Variants in ZNF571 observed in about 807,000 individuals in gnomAD.
ZNF571 encodes zinc finger protein 571.
Under a neutral mutation model 7.7 loss-of-function variants are expected in ZNF571, and 4 were observed. The observed-to-expected ratio is 0.52, with a 90% CI of 0.25 to 1.18. The LOEUF (loss-of-function observed/expected upper bound fraction) is 1.18. ZNF571 is among the 50% of genes most tolerant of loss of function. The probability of loss-of-function intolerance (pLI) is 0.14; values close to 1 mark genes in which losing one functional copy is unlikely to be tolerated. For missense variants in ZNF571, 704 were observed against 726.9 expected, an observed-to-expected ratio of 0.97 and a Z score of 0.36; for synonymous variants, 251 against 232.4, an observed-to-expected ratio of 1.08 and a Z score of -0.73.
chr19:37,585,812 C>G (rs2043652496), intron 2 of ZNF571: 1 of 152,094 alleles, frequency 6.6e-6, no homozygotes, highest in Non-Finnish European at 1.5e-5. Context: ...AGGGGGTTAT[C>G]CTGGATTATC....
chr19:37,590,892 C>A lies in ZNF571; in HGVS notation c.-70+3849G>T, dbSNP rs116078960. Among the ~76,000 whole-genome samples the A allele has an allele frequency of 7.0e-3, 1,068 of 152,236 alleles. 16 individuals carry two copies. The highest frequency in any genetic ancestry group is 0.025 in the African/African-American group (1,022 of 41,532). ...AACCAAAAGAAATCTAAAATGCATTCTCTATCTTAACAGTAGTGACAGTTA... is the reference window on the plus strand; with the variant it reads ...AACCAAAAGAAATCTAAAATGCATTATCTATCTTAACAGTAGTGACAGTTA... On this transcript the variant is annotated intron_variant, in intron 1 of 3. Transcript: ENST00000451802.
In ZNF571 at chr19:37,564,551, T is replaced by G. The variant is rs2042777614; in HGVS notation, c.*47A>C. ...AGATGTTCTACATTCATTATAGATATGAAATAGATGAAGATTTTCTTAAAT... is the reference window on the plus strand; with the variant it reads ...AGATGTTCTACATTCATTATAGATAGGAAATAGATGAAGATTTTCTTAAAT... On this transcript the variant is annotated 3_prime_UTR_variant, in exon 4 of 4. Transcript: ENST00000451802. 2.1e-6 allele frequency: 3 copies of G among 1,445,552 alleles called. No individual in the cohort carries two copies. Among genetic ancestry groups the G allele is most frequent in the African/African-American group, 1.4e-5 (1 of 70,760 alleles). The allele number at this position is 1,445,552 out of a possible 1,614,324, so 89.5% of individuals were successfully genotyped here. A position where few individuals can be genotyped will look rare whatever the true frequency, so the allele number is the denominator to read the frequency against.
chr19:37,588,941 TGTAATCCC>T (rs2043777213), intron 1 of ZNF571, among the ~76,000 whole-genome samples: 1 of 152,114 alleles, frequency 6.6e-6, no homozygotes, highest in South Asian at 2.1e-4. Flanking sequence ...GGCTCATGCC[TGTAATCCC>T]AGCACTTTGG....
Position 37,566,254 on chromosome 19 carries a change from TGGA to T in ZNF571, c.171_173del (p.Pro58del), listed in dbSNP as rs780369689. The T allele has an allele frequency of 6.2e-6, 10 of 1,613,090 alleles. No homozygotes were observed. The highest frequency in any genetic ancestry group is 8.5e-6 in the Non-Finnish European group (10 of 1,179,614). On this transcript the variant is annotated inframe_deletion, in exon 4 of 4. Coordinates refer to ENST00000451802, the MANE Select transcript of ZNF571 (RefSeq NM_016536.5). Reference sequence around the variant, plus strand: ...ATTCCATTTCATAAATTTCCTTTTCTGGAGATAACTTTTTGGTCACACAACTGG... The same window carrying T: ...ATTCCATTTCATAAATTTCCTTTTCTGATAACTTTTTGGTCACACAACTGG...
chr19:37,581,870 G>A (rs1395255064), intron 3 of ZNF571, among the ~76,000 whole-genome samples: 1 of 150,932 alleles, frequency 6.6e-6, no homozygotes, highest in African/African-American at 2.4e-5. Context: ...TGAACCAGGA[G>A]AATGGCAAAA....
intron 3 of ZNF571, among the ~76,000 whole-genome samples, chr19:37,571,612 T>A (rs1011489923): frequency 3.9e-5 from 6 of 152,226 alleles, no homozygotes; most frequent in Non-Finnish European, 8.8e-5. Flanking sequence ...AAATTTACCA[T>A]GGTAAGAAAG....
intron 1 of ZNF571, among the ~76,000 whole-genome samples, chr19:37,588,404 G>A (rs138031886): frequency 1.6e-3 from 249 of 152,294 alleles, no homozygotes; most frequent in African/African-American, 5.8e-3. Flanking sequence ...CATATCCTCT[G>A]CAGCAACACA....
In ZNF571 at chr19:37,564,732, C is replaced by G; in HGVS notation, c.1696G>C (p.Ala566Pro). The change falls in exon 4 of 4, where the codon GCC becomes CCC. Residue 566 changes from alanine to proline, a missense_variant. Coordinates refer to ENST00000451802, the MANE Select transcript of ZNF571 (RefSeq NM_016536.5). ...GTAAGTTCTGAGCCACGACTAAAGG[C>G]CCTCCCACATTCCTTACATTCATAG... ...KPYECKECGR[A>P]FSRGSELTLH... The G allele has an allele frequency of 6.2e-7, 1 of 1,613,624 alleles. No homozygotes were observed. The highest frequency in any genetic ancestry group is 8.5e-7 in the Non-Finnish European group (1 of 1,179,662).
intron 1 of ZNF571, chr19:37,587,129 C>T (rs997943145): frequency 6.3e-6 from 1 of 159,218 alleles, no homozygotes; most frequent in African/African-American, 2.4e-5. Context: ...GACTCACAGA[C>T]ATTTTGACAG....
chr19:37,575,059 AACAAT>A (rs1469112696), intron 3 of ZNF571, among the ~76,000 whole-genome samples: 3 of 152,216 alleles, frequency 2.0e-5, no homozygotes, highest in Non-Finnish European at 2.9e-5. Flanking sequence ...GAACAAACCT[AACAAT>A]ACAACACCCC....
At position 37,589,784 on chromosome 19, in the gene ZNF571, G is replaced by A. The variant is rs764403953; in HGVS notation, c.-69-3039C>T. Among the ~76,000 whole-genome samples the A allele has an allele frequency of 6.5e-5, 9 of 139,222 alleles. No homozygotes were observed. The Admixed American group carries it at 7.0e-4, about 11-fold the overall frequency. 91.3% of individuals were successfully genotyped at this position (139,222 alleles called of 152,430 possible). ...GGGAGGCTGAGGCAAAGAATTGCTT[G>A]AACCCGGGAGTTGGAGGTTACAGTG... On this transcript the variant is annotated intron_variant, in intron 1 of 3. Transcript: ENST00000451802.
intron 1 of ZNF571, among the ~76,000 whole-genome samples, chr19:37,591,672 G>A (rs1188042023): frequency 1.3e-5 from 2 of 152,040 alleles, no homozygotes; most frequent in Non-Finnish European, 2.9e-5. Flanking sequence ...AGCCTCCCGA[G>A]TAGCTGGGAT....
At chr19:37,588,043 T>G (rs1368256964) in intron 1 of ZNF571, among the ~76,000 whole-genome samples, 1 of 123,882 alleles carries the variant, frequency 8.1e-6, no homozygotes, top group East Asian at 2.6e-4. Context: ...GAGGTTGCAG[T>G]GACCCAAGAT....
intron 2 of ZNF571, among the ~76,000 whole-genome samples, chr19:37,584,700 C>T (rs538567712): frequency 2.0e-5 from 3 of 152,160 alleles, no homozygotes; most frequent in South Asian, 4.2e-4. Flanking sequence ...CGGTGGCTCA[C>T]GCTTGTAATC....
At position 37,583,873 on chromosome 19, in the gene ZNF571, C is replaced by T. The variant is rs2306202; in HGVS notation, c.136+98G>A. 2.5e-3 allele frequency: 3,204 copies of T among 1,290,934 alleles called. 73 individuals carry two copies. In the East Asian group the frequency reaches 0.047, roughly 19 times the overall value. The allele number at this position is 1,290,934 out of a possible 1,614,324, so 80.0% of individuals were successfully genotyped here. A position where few individuals can be genotyped will look rare whatever the true frequency, so the allele number is the denominator to read the frequency against. ...CTGTCCATTTCTACTTCTACTCAAA[C>T]GTAAGCCTTTCCTTAGGGAATGGAG... On this transcript the variant is annotated intron_variant, in intron 3 of 3. Transcript: ENST00000451802.
intron 2 of ZNF571, 145 bp from the exon 3 acceptor site, chr19:37,584,242 C>G: frequency 1.0e-6 from 1 of 1,002,702 alleles, no homozygotes; most frequent in Non-Finnish European, 1.5e-6. Flanking sequence ...TAACCTGATT[C>G]TCTATCATTC....
In ZNF571 at chr19:37,589,200, CAAAAAAAAAA is replaced by C. The variant is rs35689698; in HGVS notation, c.-69-2465_-69-2456del. On this transcript the variant is annotated intron_variant, in intron 1 of 3. Transcript: ENST00000451802. ...GGGCGACAAGAGCCAAACTCCGTCTCAAAAAAAAAAAAAAAAAAAAATCACAAAAATGCTA... is the reference window on the plus strand; with the variant it reads ...GGGCGACAAGAGCCAAACTCCGTCTCAAAAAAAAAAATCACAAAAATGCTA... 1.7e-4 allele frequency among the ~76,000 whole-genome samples: 19 copies of C among 108,904 alleles called. No individual in the cohort carries two copies. In the Admixed American group the frequency reaches 2.0e-3, roughly 11 times the overall value. The allele number at this position is 108,904 out of a possible 152,430, so 71.4% of individuals were successfully genotyped here.
At chr19:37,586,773 T>A in intron 1 of ZNF571, 28 bp from the exon 2 acceptor site, 1 of 1,322,192 alleles carries the variant, frequency 7.6e-7, no homozygotes, top group Non-Finnish European at 1.1e-6. Context: ...GCCACAAGAT[T>A]AGACTTGGCT....
chr19:37,591,197 C>G lies in ZNF571; in HGVS notation c.-70+3544G>C, dbSNP rs577391635. Among the ~76,000 whole-genome samples the G allele has an allele frequency of 2.0e-5, 3 of 152,242 alleles. No homozygotes were observed. In the South Asian group the frequency reaches 6.2e-4, roughly 32 times the overall value. On this transcript the variant is annotated intron_variant, in intron 1 of 3. Coordinates refer to ENST00000451802, the MANE Select transcript of ZNF571 (RefSeq NM_016536.5). Reference sequence around the variant, plus strand: ...ACAGTGGTCACTGTACACTGTATACCACAAGAGGAATCAGAACTCCTTAGA... The same window carrying G: ...ACAGTGGTCACTGTACACTGTATACGACAAGAGGAATCAGAACTCCTTAGA...
Sources: allele counts gnomAD v4.1 joint callset (sites outside exome capture counted in the v4.1 genomes callset), GRCh38; gene constraint gnomAD v4.1.1; transcripts MANE v1.5; gene names NCBI Gene and HGNC (gene_info 2026-07-23, HGNC 2026-07-21).